Variants in CNTN5 observed in about 807,000 individuals in gnomAD.
CNTN5 encodes the protein contactin-5.
CNTN5 carries 77 observed loss-of-function variants against 129.1 expected under a neutral mutation model. The observed-to-expected ratio is 0.60, with a 90% CI of 0.50 to 0.72. The LOEUF is 0.72. Ranked by LOEUF, CNTN5 falls within the 30% of genes least tolerant of loss-of-function variation. The pLI is 0.00. For missense variants in CNTN5, 1,478 were observed against 1,328.8 expected, an observed-to-expected ratio of 1.11 and a Z score of -1.75; for synonymous variants, 509 against 465.6, an observed-to-expected ratio of 1.09 and a Z score of -1.20.
chr11:99,241,318 G>GTTTTTTTTTTTTTTTTTTTTTTTT (rs10648459), intron 1 of CNTN5, among the ~76,000 whole-genome samples: 7 of 88,050 alleles, frequency 8.0e-5, no homozygotes, highest in African/African-American at 1.7e-4. Context: ...TTGATTGTTG[G>GTTTTTTTTTTTTTTTTTTTTTTTT]TTTTTTTTTT....
intron 1 of CNTN5, among the ~76,000 whole-genome samples, chr11:99,044,189 G>A (rs148526694): frequency 6.6e-6 from 1 of 152,184 alleles, no homozygotes; most frequent in Non-Finnish European, 1.5e-5. Context: ...CATTTGTGGG[G>A]TCTGGGACAA....
intron 1 of CNTN5, among the ~76,000 whole-genome samples, chr11:99,029,476 T>G (rs1034757507): frequency 4.6e-5 from 7 of 151,898 alleles, no homozygotes; most frequent in African/African-American, 1.7e-4. Context: ...AATAAGAAAC[T>G]TAAGGAAAAA....
intron 8 of CNTN5, among the ~76,000 whole-genome samples, chr11:99,993,372 A>C (rs563909994): frequency 7.0e-4 from 107 of 152,238 alleles, no homozygotes; most frequent in South Asian, 1.5e-3. Context: ...ACTCTCAGTT[A>C]CCTCATTTCT....
At chr11:99,194,804 C>T (rs763541332) in intron 1 of CNTN5, among the ~76,000 whole-genome samples, 2 of 152,018 alleles carry the variant, frequency 1.3e-5, no homozygotes, top group African/African-American at 4.8e-5. Context: ...GGGGTTTCAT[C>T]GTGTTGCCCA....
At chr11:99,436,014 T>G (rs1298407111) in intron 2 of CNTN5, among the ~76,000 whole-genome samples, 2 of 152,202 alleles carry the variant, frequency 1.3e-5, no homozygotes, top group African/African-American at 4.8e-5. Flanking sequence ...TTCATAGACA[T>G]TTCAAGGTTG....
intron 17 of CNTN5, 66 bp from the exon 18 acceptor site, chr11:100,271,026 C>G: frequency 7.6e-7 from 1 of 1,308,924 alleles, no homozygotes; most frequent in Non-Finnish European, 1.1e-6. Flanking sequence ...CATTAATATT[C>G]TTGATTGCCA....
intron 3 of CNTN5, among the ~76,000 whole-genome samples, chr11:99,753,941 G>GC (rs796782568): frequency 2.8e-4 from 41 of 147,982 alleles, no homozygotes; most frequent in African/African-American, 9.2e-4. Flanking sequence ...GCCCGCCTCA[G>GC]CCCCCCAAAG....
intron 2 of CNTN5, among the ~76,000 whole-genome samples, chr11:99,408,538 T>TGA (rs10625300): frequency 0.33 from 49,519 of 150,548 alleles, 8,350 homozygotes; most frequent in East Asian, 0.5. Context: ...CTCAATATGT[T>TGA]GCCTGGGCTG....
At chr11:99,293,120 C>CT (rs34204366) in intron 1 of CNTN5, among the ~76,000 whole-genome samples, 150,961 of 152,078 alleles carry the variant, frequency 0.99, 74,929 homozygotes, top group East Asian at 1. Context: ...TTGGTTAAGA[C>CT]TTTTTTTATT....
chr11:99,407,499 G>A (rs1453046198), intron 2 of CNTN5, among the ~76,000 whole-genome samples: 3 of 152,088 alleles, frequency 2.0e-5, no homozygotes, highest in Admixed American at 6.6e-5. Flanking sequence ...TTTCGGAGCC[G>A]TGAGCTGTGC....
chr11:99,113,631 G>A (rs575259776), intron 1 of CNTN5, among the ~76,000 whole-genome samples: 1 of 152,180 alleles, frequency 6.6e-6, no homozygotes, highest in Admixed American at 6.5e-5. Context: ...TGTTATCAGG[G>A]ATGTTTACTT....
intron 1 of CNTN5, among the ~76,000 whole-genome samples, chr11:99,064,856 A>G (rs1865036693): frequency 6.6e-6 from 1 of 152,066 alleles, no homozygotes; most frequent in Non-Finnish European, 1.5e-5. Flanking sequence ...TTTATTAAAA[A>G]TTACCTTACA....
At chr11:100,005,297 C>T (rs1843769103) in intron 9 of CNTN5, among the ~76,000 whole-genome samples, 1 of 152,120 alleles carries the variant, frequency 6.6e-6, no homozygotes, top group South Asian at 2.1e-4. Flanking sequence ...GTATACTCTG[C>T]ACCTGTATCT....
chr11:99,097,295 T>C (rs1866515591), intron 1 of CNTN5, among the ~76,000 whole-genome samples: 1 of 151,692 alleles, frequency 6.6e-6, no homozygotes, highest in African/African-American at 2.4e-5. Context: ...GAGTACAAAC[T>C]GAGATGGGGT....
intron 2 of CNTN5, among the ~76,000 whole-genome samples, chr11:99,552,368 C>T (rs964069679): frequency 4.8e-4 from 73 of 152,030 alleles, no homozygotes; most frequent in African/African-American, 1.7e-3. Flanking sequence ...AGACAAAAAT[C>T]CTTGCTTCCA....
chr11:99,632,272 G>C (rs1195780923), intron 3 of CNTN5, among the ~76,000 whole-genome samples: 2 of 152,074 alleles, frequency 1.3e-5, no homozygotes, highest in Non-Finnish European at 1.5e-5. Flanking sequence ...ATTATATACT[G>C]TAAATGTTCA....
intron 15 of CNTN5, among the ~76,000 whole-genome samples, chr11:100,208,563 A>C (rs1948961164): frequency 6.6e-6 from 1 of 152,192 alleles, no homozygotes; most frequent in Non-Finnish European, 1.5e-5. Context: ...TGGTTAAAAC[A>C]AGCCATAAGG....
At chr11:99,443,674 C>G (rs1943935300) in intron 2 of CNTN5, among the ~76,000 whole-genome samples, 1 of 152,152 alleles carries the variant, frequency 6.6e-6, no homozygotes, top group Non-Finnish European at 1.5e-5. Flanking sequence ...TTTCCTGAGA[C>G]AGTGCTACCT....
intron 2 of CNTN5, among the ~76,000 whole-genome samples, chr11:99,509,976 C>T (rs571574496): frequency 4.6e-5 from 7 of 151,186 alleles, no homozygotes; most frequent in Admixed American, 1.3e-4. Context: ...ATACAAATGT[C>T]GCTTAATCTC....
Sources: allele counts gnomAD v4.1 joint callset (sites outside exome capture counted in the v4.1 genomes callset), GRCh38; gene constraint gnomAD v4.1.1; transcripts MANE v1.5; gene names NCBI Gene and HGNC (gene_info 2026-07-23, HGNC 2026-07-21).